BMAL1: variants seen among roughly 807,000 people sequenced by gnomAD.
BMAL1 encodes the protein basic helix-loop-helix ARNT-like protein 1.
At chr11:13,331,156 C>T in the BMAL1 span, among the ~76,000 whole-genome samples, 1 of 152,190 alleles carries the variant, frequency 6.6e-6, no homozygotes, top group Non-Finnish European at 1.5e-5. Flanking sequence ...GGTTCACAGT[C>T]TTAGAAGACA....
chr11:13,308,895 C>T, the BMAL1 span, among the ~76,000 whole-genome samples: 1 of 151,840 alleles, frequency 6.6e-6, no homozygotes, highest in East Asian at 1.9e-4. Flanking sequence ...TTGGCAAAAA[C>T]TTATTGGGTG....
chr11:13,374,069 T>G, the BMAL1 span: 1 of 1,601,104 alleles, frequency 6.2e-7, no homozygotes, highest in South Asian at 1.1e-5. Flanking sequence ...TTTTTCTTCT[T>G]TAAATATTCC....
chr11:13,368,624 G>A, the BMAL1 span, among the ~76,000 whole-genome samples: 8 of 152,270 alleles, frequency 5.3e-5, no homozygotes, highest in South Asian at 6.2e-4. Flanking sequence ...ACACTTGCTC[G>A]TGTGATGGCC....
At chr11:13,326,396 T>C in the BMAL1 span, 1 of 152,204 alleles carries the variant, frequency 6.6e-6, no homozygotes, top group Non-Finnish European at 1.5e-5. Context: ...CTCCTACCTC[T>C]CCTCTCCCTT....
At chr11:13,386,764 A>G in the BMAL1 span, 1 of 1,612,668 alleles carries the variant, frequency 6.2e-7, no homozygotes, top group South Asian at 1.1e-5. Context: ...TAAACACTAC[A>G]TGTTGCTTTG....
At chr11:13,280,886 C>A in the BMAL1 span, among the ~76,000 whole-genome samples, 2 of 152,230 alleles carry the variant, frequency 1.3e-5, no homozygotes, top group Admixed American at 6.5e-5. Context: ...GACCTCTCCT[C>A]TGTTCCTTTT....
chr11:13,279,697 A>G, the BMAL1 span, among the ~76,000 whole-genome samples: 3 of 152,228 alleles, frequency 2.0e-5, no homozygotes, highest in African/African-American at 7.2e-5. Flanking sequence ...CATTTTACTG[A>G]TAAGTCTTTA....
At chr11:13,341,110 T>C in the BMAL1 span, among the ~76,000 whole-genome samples, 1 of 152,198 alleles carries the variant, frequency 6.6e-6, no homozygotes, top group African/African-American at 2.4e-5. Context: ...TTGTCCTGCC[T>C]GTCTGGTACC....
At chr11:13,339,454 CACAT>C in the BMAL1 span, among the ~76,000 whole-genome samples, 3 of 152,000 alleles carry the variant, frequency 2.0e-5, no homozygotes, top group Admixed American at 6.6e-5. Context: ...CACACACACA[CACAT>C]GGTATCTTCT....
chr11:13,355,335 G>A, the BMAL1 span: 2 of 1,596,398 alleles, frequency 1.3e-6, no homozygotes, highest in African/African-American at 1.3e-5. Flanking sequence ...CAACACCCAG[G>A]GGCTGGAGAG....
chr11:13,285,034 C>T, the BMAL1 span, among the ~76,000 whole-genome samples: 230 of 152,318 alleles, frequency 1.5e-3, 1 homozygote, highest in Non-Finnish European at 2.6e-3. Context: ...TTAAATTGTT[C>T]CCTTGAGGCC....
the BMAL1 span, among the ~76,000 whole-genome samples, chr11:13,339,391 G>A: frequency 6.6e-6 from 1 of 150,470 alleles, no homozygotes; most frequent in Non-Finnish European, 1.5e-5. Context: ...TCCCCGGACT[G>A]TTGTAGCCGT....
At chr11:13,344,543 CT>C in the BMAL1 span, among the ~76,000 whole-genome samples, 1 of 152,224 alleles carries the variant, frequency 6.6e-6, no homozygotes, top group African/African-American at 2.4e-5. Flanking sequence ...CCCATTGTGG[CT>C]TCTGCTAGGG....
chr11:13,292,711 G>C, the BMAL1 span, among the ~76,000 whole-genome samples: 1 of 152,124 alleles, frequency 6.6e-6, no homozygotes, highest in Non-Finnish European at 1.5e-5. Flanking sequence ...GCTGAAACCA[G>C]GTAGAAGTTT....
the BMAL1 span, among the ~76,000 whole-genome samples, chr11:13,313,679 T>C: frequency 2.6e-5 from 4 of 152,208 alleles, no homozygotes; most frequent in Non-Finnish European, 5.9e-5. Context: ...AGCCTCTTAA[T>C]TGGTCATCCT....
the BMAL1 span, among the ~76,000 whole-genome samples, chr11:13,359,638 C>G: frequency 6.6e-6 from 1 of 152,138 alleles, no homozygotes; most frequent in South Asian, 2.1e-4. Context: ...GTTACAGATC[C>G]ATTTCCTTTT....
At chr11:13,351,951 T>G in the BMAL1 span, among the ~76,000 whole-genome samples, 1 of 152,188 alleles carries the variant, frequency 6.6e-6, no homozygotes, top group Non-Finnish European at 1.5e-5. Context: ...GTAAGTTTAT[T>G]TTTCCCAAGA....
At chr11:13,365,328 C>G in the BMAL1 span, 3 of 461,412 alleles carry the variant, frequency 6.5e-6, no homozygotes. Flanking sequence ...CACAATCTTA[C>G]AGTTCTTCAG....
chr11:13,354,642 G>A, the BMAL1 span: 2 of 661,296 alleles, frequency 3.0e-6, no homozygotes, highest in South Asian at 4.2e-5. Flanking sequence ...CTTCAGCAGT[G>A]CTGAGGCATT....
Sources: gnomAD v4.1 joint callset for allele counts (sites outside exome capture counted in the v4.1 genomes callset) on GRCh38, gnomAD v4.1.1 for gene constraint, MANE v1.5 for transcripts, NCBI Gene and HGNC (gene_info 2026-07-23, HGNC 2026-07-21) for gene names.